Variants in MTCH1 observed in about 807,000 individuals in gnomAD.
The protein encoded by MTCH1 is mitochondrial carrier homolog 1.
Under a neutral mutation model 49.3 loss-of-function variants are expected in MTCH1, and 23 were observed. That is an observed-to-expected ratio of 0.47 (90% CI 0.34 to 0.66). The LOEUF is 0.66. Among genes scored for constraint, MTCH1 ranks in the 30% least tolerant of loss-of-function variants. The pLI is 0.01. For synonymous variants in MTCH1, 229 were observed against 215.2 expected (o/e 1.06, Z -0.56); for missense variants, 397 against 532.1 (o/e 0.75, Z 2.50).
intron 11 of MTCH1, chr6:36,969,423 C>T: frequency 9.4e-7 from 1 of 1,064,862 alleles, no homozygotes; most frequent in Non-Finnish European, 1.1e-6. Flanking sequence ...CACTGCGAGG[C>T]AAATCAAGGC....
chr6:36,979,993 T>G (rs1287003760), intron 2 of MTCH1, among the ~76,000 whole-genome samples: 2 of 152,190 alleles, frequency 1.3e-5, no homozygotes, highest in African/African-American at 4.8e-5. Context: ...GGAAACCCTC[T>G]GGGAAGTTCT....
chr6:36,982,389 T>A lies in MTCH1; in HGVS notation c.322-717A>T, dbSNP rs1396841407. On this transcript the variant is annotated intron_variant, in intron 1 of 11. Transcript: ENST00000373627. The surrounding 1 kb of genome is among the most constrained non-coding windows in gnomAD (Gnocchi z 4.1). ...TCTGAAATATTTATTTATTTATTTT[T>A]TTTTTTGAGATGGAGTTTCACTCTT... is the stretch of plus-strand genomic sequence containing the variant. Among the ~76,000 whole-genome samples the A allele has an allele frequency of 1.3e-5, 2 of 152,128 alleles. No individual in the cohort carries two copies. The highest frequency in any genetic ancestry group is 3.9e-4 in the East Asian group (2 of 5,180).
chr6:36,970,355 C>G (rs371611837), intron 10 of MTCH1, 51 bp downstream of exon 10: 2 of 1,606,750 alleles, frequency 1.2e-6, no homozygotes, highest in Non-Finnish European at 1.7e-6. Context: ...GGGTCTCCCC[C>G]ACCCCACAGC....
intron 1 of MTCH1, among the ~76,000 whole-genome samples, chr6:36,985,334 T>C (rs1764258086): frequency 6.6e-6 from 1 of 151,642 alleles, no homozygotes; most frequent in Non-Finnish European, 1.5e-5. Context: ...ACGTTTTAAA[T>C]CCATCTCTAT....
intron 1 of MTCH1, 80 bp downstream of exon 1, chr6:36,985,773 G>T: frequency 1.0e-6 from 1 of 980,980 alleles, no homozygotes; most frequent in Non-Finnish European, 1.3e-6. Flanking sequence ...GCCATTGACT[G>T]CCCGCCCCAA....
intron 2 of MTCH1, 144 bp from the exon 3 acceptor site, chr6:36,978,755 G>T: frequency 1.6e-6 from 1 of 613,860 alleles, no homozygotes; most frequent in Non-Finnish European, 2.8e-6. Flanking sequence ...TCCAGGACCT[G>T]GAAGCAGTCA....
chr6:36,978,278 C>T (rs981904101), intron 3 of MTCH1, 123 bp from the exon 4 acceptor site: 15 of 926,764 alleles, frequency 1.6e-5, no homozygotes, highest in Non-Finnish European at 2.5e-5. Flanking sequence ...CTGGGCCCAC[C>T]TCAGGTAACC....
rs558454423 is a variant in MTCH1 at position 36,985,886 on chromosome 6, G to A, written c.288C>T (p.Ser96=). Residue 96 remains serine, a synonymous_variant, in exon 1 of 12, where the codon AGC becomes AGT. Coordinates refer to ENST00000373627, the MANE Select transcript of MTCH1 (RefSeq NM_001271641.2). The part of the protein sequence containing the change: ...VALGAGVTAL[S]HPLLYVKLLI... Reference sequence around the variant, plus strand: ...GCAGCTTCACGTAGAGCAGGGGATGGCTGAGCGCCGTCACGCCCGCGCCCA... The same window carrying A: ...GCAGCTTCACGTAGAGCAGGGGATGACTGAGCGCCGTCACGCCCGCGCCCA... The A allele has an allele frequency of 1.3e-5, 21 of 1,559,542 alleles. No individual in the cohort carries two copies. In the African/African-American group the frequency reaches 2.4e-4, roughly 18 times the overall value.
chr6:36,968,952 C>G lies in MTCH1; in HGVS notation c.1121G>C (p.Ser374Thr). Reference sequence around the variant, plus strand: ...TGATGACACCCGGCGGAAAAGCAGGCTGGAGCCTCGGAAGAGCTGGCCCTG... The same window carrying G: ...TGATGACACCCGGCGGAAAAGCAGGGTGGAGCCTCGGAAGAGCTGGCCCTG... Reference protein sequence around the residue: ...SVQGQLFRGSSLLFRRVSSGS... With the variant: ...SVQGQLFRGSTLLFRRVSSGS... Residue 374 changes from serine to threonine, a missense_variant, in exon 12 of 12, where the codon AGC (serine) becomes ACC (threonine). By Grantham distance (58) the Ser-to-Thr change is moderately conservative. Coordinates refer to ENST00000373627, the MANE Select transcript of MTCH1 (RefSeq NM_001271641.2). The G allele has an allele frequency of 6.2e-7, 1 of 1,614,120 alleles. No individual in the cohort carries two copies. Among genetic ancestry groups the G allele is most frequent in the Non-Finnish European group, 8.5e-7 (1 of 1,180,008 alleles).
intron 8 of MTCH1, chr6:36,970,910 G>A (rs1339039080): frequency 1.6e-6 from 1 of 609,742 alleles, no homozygotes; most frequent in African/African-American, 1.8e-5. Context: ...GACCCGGTAA[G>A]AGGGATCAGC....
chr6:36,969,287 AC>A, intron 11 of MTCH1: 6 of 985,430 alleles, frequency 6.1e-6, no homozygotes, highest in Non-Finnish European at 7.2e-6. Flanking sequence ...AGGACGAGAC[AC>A]ACTCACGCTG....
chr6:36,973,462 G>A (rs1279067909), intron 7 of MTCH1, among the ~76,000 whole-genome samples: 2 of 151,694 alleles, frequency 1.3e-5, no homozygotes, highest in Non-Finnish European at 1.5e-5. Flanking sequence ...CCTGGGAGGA[G>A]AAGCAGAATT....
rs1358296368 is a variant in MTCH1 at position 36,972,634 on chromosome 6, G to A, written c.906+18C>T. ...CAGCAGCACACGGAAAGAAGGACAA[G>A]TCCTTGTTCCAACCAACCTGGGAAC... On this transcript the variant is annotated intron_variant, in intron 8 of 11. Coordinates refer to ENST00000373627, the MANE Select transcript of MTCH1 (RefSeq NM_001271641.2). This position sits in a 1 kb window ranked among gnomAD's most constrained non-coding sequence, Gnocchi z 4.1. 1 of 1,546,864 alleles carries A rather than the reference G, an allele frequency of 6.5e-7. No individual in the cohort carries two copies. The highest frequency in any genetic ancestry group is 8.7e-7 in the Non-Finnish European group (1 of 1,143,210).
At chr6:36,976,821 A>C (rs1179062868) in intron 6 of MTCH1, among the ~76,000 whole-genome samples, 1 of 152,210 alleles carries the variant, frequency 6.6e-6, no homozygotes, top group Non-Finnish European at 1.5e-5. Context: ...GGGGATAAAA[A>C]GAGCTATCAG....
At chr6:36,976,803 TCTTCATAGG>T (rs1449513113) in intron 6 of MTCH1, among the ~76,000 whole-genome samples, 2 of 152,154 alleles carry the variant, frequency 1.3e-5, no homozygotes, top group Non-Finnish European at 2.9e-5. Context: ...GTGGATGGCT[TCTTCATAGG>T]GGATAAAAAG....
chr6:36,975,106 C>T (rs1023399197), intron 7 of MTCH1, among the ~76,000 whole-genome samples: 4 of 152,210 alleles, frequency 2.6e-5, no homozygotes, highest in Non-Finnish European at 5.9e-5. Flanking sequence ...GGTCCTGGGT[C>T]CTGGCCGATG....
At chr6:36,970,545 C>A in intron 9 of MTCH1, 72 bp from the exon 10 acceptor site, 1 of 1,607,658 alleles carries the variant, frequency 6.2e-7, no homozygotes, top group Non-Finnish European at 8.5e-7. Context: ...CACGCCAACA[C>A]CCTGTACCAA....
At chr6:36,980,348 A>T (rs77144640) in intron 2 of MTCH1, among the ~76,000 whole-genome samples, 3,043 of 152,314 alleles carry the variant, frequency 0.02, 66 homozygotes, top group African/African-American at 0.047. Context: ...AGAACACAGC[A>T]CGTGCAACCA....
At position 36,982,456 on chromosome 6, in the gene MTCH1, G is replaced by A. The variant is rs192160842; in HGVS notation, c.322-784C>T. 2.4e-4 allele frequency among the ~76,000 whole-genome samples: 36 copies of A among 151,550 alleles called. No individual in the cohort carries two copies. Among genetic ancestry groups the A allele is most frequent in the African/African-American group, 6.3e-4 (26 of 41,224 alleles). On this transcript the variant is annotated intron_variant, in intron 1 of 11. Coordinates refer to ENST00000373627, the MANE Select transcript of MTCH1 (RefSeq NM_001271641.2). This position sits in a 1 kb window ranked among gnomAD's most constrained non-coding sequence, Gnocchi z 4.1. ...TGCAATGGCGTGCTCTCAGCTCACCGCAACCTCCACCTCCTCCACCTCCCG... is the reference window on the plus strand; with the variant it reads ...TGCAATGGCGTGCTCTCAGCTCACCACAACCTCCACCTCCTCCACCTCCCG...
Sources: allele counts gnomAD v4.1 joint callset (sites outside exome capture counted in the v4.1 genomes callset), GRCh38; gene constraint gnomAD v4.1.1; non-coding constraint Gnocchi (gnomAD v3.1); transcripts MANE v1.5; gene names NCBI Gene and HGNC (gene_info 2026-07-23, HGNC 2026-07-21).